The following C12orf42 variants were observed in gnomAD, a reference collection of about 807,000 sequenced individuals.
C12orf42 encodes chromosome 12 open reading frame 42.
C12orf42 carries 25 observed loss-of-function variants against 21.6 expected under a neutral mutation model. The ratio of observed to expected loss-of-function variants is 1.16; its 90% CI spans 0.84 to 1.62. The LOEUF is 1.62. Ranked by LOEUF, C12orf42 falls within the 40% of genes most tolerant of loss-of-function variation. The probability of loss-of-function intolerance (pLI) is 0.00; values close to 1 mark genes in which losing one functional copy is unlikely to be tolerated. For missense variants in C12orf42, 483 were observed against 459.3 expected (o/e 1.05, Z -0.47); for synonymous variants, 174 against 175.0 (o/e 0.99, Z 0.05).
chr12:103,454,721 C>T (rs1027321542), intron 2 of C12orf42, among the ~76,000 whole-genome samples: 3 of 152,136 alleles, frequency 2.0e-5, no homozygotes, highest in African/African-American at 7.2e-5. Flanking sequence ...TGCCCAGTTG[C>T]CAAAATCATC....
intron 4 of C12orf42, among the ~76,000 whole-genome samples, chr12:103,280,677 A>G (rs1291280743): frequency 6.6e-6 from 1 of 152,212 alleles, no homozygotes; most frequent in Non-Finnish European, 1.5e-5. Flanking sequence ...ATAAAATACA[A>G]TAAATAAATA....
At chr12:103,421,608 T>C (rs2049914476) in intron 2 of C12orf42, among the ~76,000 whole-genome samples, 2 of 148,336 alleles carry the variant, frequency 1.3e-5, no homozygotes, top group African/African-American at 4.9e-5. Context: ...AATAAATAAA[T>C]AAATAAATAA....
the C12orf42 span, among the ~76,000 whole-genome samples, chr12:103,158,746 G>A: frequency 6.6e-6 from 1 of 152,086 alleles, no homozygotes; most frequent in East Asian, 1.9e-4. Context: ...TGGGCGTGGT[G>A]GCAGGCGCCT....
Position 103,302,285 on chromosome 12 carries a change from G to A in C12orf42, c.906C>T (p.Ser302=), listed in dbSNP as rs1444063291. Residue 302 remains serine, a synonymous_variant, in exon 6 of 6, where the codon TCC becomes TCT. Coordinates refer to ENST00000548883, the MANE Select transcript of C12orf42 (RefSeq NM_198521.5). ...PRDRRPQADT[S]LHGNLAGAPL... is the part of the protein sequence containing the mutation. ...GCGCTCCTGCCAGATTGCCATGGAGGGAGGTGTCCGCCTGAGGCCTCCTGT... is the reference window on the plus strand; with the variant it reads ...GCGCTCCTGCCAGATTGCCATGGAGAGAGGTGTCCGCCTGAGGCCTCCTGT... 3.7e-6 allele frequency: 6 copies of A among 1,613,330 alleles called. No homozygotes were observed. The East Asian group carries it at 1.3e-4, about 36-fold the overall frequency.
At chr12:103,222,641 C>G in the C12orf42 span, among the ~76,000 whole-genome samples, 2 of 152,082 alleles carry the variant, frequency 1.3e-5, no homozygotes, top group South Asian at 4.1e-4. Context: ...GGAAGTGAGA[C>G]TGGGGATGAA....
chr12:103,332,170 A>C (rs1290402263), intron 4 of C12orf42, among the ~76,000 whole-genome samples: 2 of 152,216 alleles, frequency 1.3e-5, no homozygotes, highest in African/African-American at 2.4e-5. Flanking sequence ...TGAGGACCTA[A>C]GTGCAGGGAT....
At chr12:103,370,635 G>A (rs1243583131) in intron 3 of C12orf42, among the ~76,000 whole-genome samples, 1 of 151,914 alleles carries the variant, frequency 6.6e-6, no homozygotes, top group Non-Finnish European at 1.5e-5. Flanking sequence ...AGAAACAGAA[G>A]CCTAAATACC....
intron 4 of C12orf42, among the ~76,000 whole-genome samples, chr12:103,366,116 A>C (rs562579912): frequency 6.6e-6 from 1 of 152,000 alleles, no homozygotes; most frequent in South Asian, 2.1e-4. Flanking sequence ...AAAAATATGC[A>C]CATAGACCAA....
At chr12:103,366,801 T>C (rs1417545376) in intron 4 of C12orf42, among the ~76,000 whole-genome samples, 1 of 151,288 alleles carries the variant, frequency 6.6e-6, no homozygotes, top group Non-Finnish European at 1.5e-5. Flanking sequence ...CAAAAAATAA[T>C]AGATGTTGGT....
At chr12:103,493,546 C>T (rs907839415) in intron 1 of C12orf42, among the ~76,000 whole-genome samples, 7 of 151,974 alleles carry the variant, frequency 4.6e-5, no homozygotes, top group Non-Finnish European at 1.5e-5. Flanking sequence ...TAGGTCCCAG[C>T]TGAAATGTGA....
At chr12:103,499,150 C>G (rs112725054), upstream of C12orf42, among the ~76,000 whole-genome samples, 1 of 152,004 alleles carries the variant, frequency 6.6e-6, no homozygotes, top group East Asian at 1.9e-4. Context: ...AGGGGATAAA[C>G]CTTCAGTTAC....
intron 5 of C12orf42, among the ~76,000 whole-genome samples, chr12:103,274,746 T>C (rs2035666124): frequency 1.3e-5 from 2 of 152,224 alleles, no homozygotes; most frequent in African/African-American, 4.8e-5. Context: ...TCAGCACTTG[T>C]TGCCAAAAAG....
At chr12:103,421,601 A>G (rs2049913009) in intron 2 of C12orf42, among the ~76,000 whole-genome samples, 1 of 144,050 alleles carries the variant, frequency 6.9e-6, no homozygotes, top group South Asian at 2.1e-4. Context: ...ATAAATAAAT[A>G]AATAAATAAA....
At chr12:103,344,019 T>C (rs1002625245) in intron 4 of C12orf42, among the ~76,000 whole-genome samples, 4 of 152,136 alleles carry the variant, frequency 2.6e-5, no homozygotes, top group Non-Finnish European at 5.9e-5. Context: ...ACATTGATCT[T>C]TTTCATCTTC....
At chr12:103,091,178 G>A in the C12orf42 span, among the ~76,000 whole-genome samples, 2 of 152,084 alleles carry the variant, frequency 1.3e-5, no homozygotes, top group Admixed American at 1.3e-4. Flanking sequence ...GTGGGATTGG[G>A]AGCTGAATTA....
intron 1 of C12orf42, among the ~76,000 whole-genome samples, chr12:103,485,279 T>C (rs1266799292): frequency 6.6e-6 from 1 of 152,198 alleles, no homozygotes; most frequent in Non-Finnish European, 1.5e-5. Context: ...ATCAGATGGT[T>C]GTAGATGTGT....
At chr12:103,072,905 T>C in the C12orf42 span, among the ~76,000 whole-genome samples, 1 of 152,152 alleles carries the variant, frequency 6.6e-6, no homozygotes, top group East Asian at 1.9e-4. Flanking sequence ...GTATTCACAA[T>C]AGCAAAGACA....
At chr12:103,308,184 G>C (rs1348205001) in intron 4 of C12orf42, among the ~76,000 whole-genome samples, 1 of 151,972 alleles carries the variant, frequency 6.6e-6, no homozygotes, top group East Asian at 1.9e-4. Flanking sequence ...AAGTACTTAG[G>C]GTAGTAGTTG....
chr12:103,311,320 T>C (rs6419384), intron 4 of C12orf42, among the ~76,000 whole-genome samples: 54,520 of 151,074 alleles, frequency 0.36, 11,037 homozygotes, highest in African/African-American at 0.53. Flanking sequence ...ATATTTATAG[T>C]TTCTACCATA....
Sources: allele counts gnomAD v4.1 joint callset (sites outside exome capture counted in the v4.1 genomes callset), GRCh38; gene constraint gnomAD v4.1.1; transcripts MANE v1.5; gene names NCBI Gene and HGNC (gene_info 2026-07-23, HGNC 2026-07-21).